Variants in RGS7 observed in about 807,000 individuals in gnomAD.
RGS7 encodes the protein regulator of G protein signaling 7.
A neutral mutation model predicts 81.1 loss-of-function variants in RGS7; 27 were observed. That is an observed-to-expected ratio of 0.33 (90% CI 0.25 to 0.46). The LOEUF is 0.46. RGS7 is among the 20% of genes least tolerant of loss of function. RGS7 has a pLI of 1.00. For synonymous variants in RGS7, 208 were observed against 207.7 expected (o/e 1.00, Z -0.01); for missense variants, 396 against 607.4 (o/e 0.65, Z 3.66).
At chr1:241,010,078 A>C (rs2058882161) in intron 3 of RGS7, among the ~76,000 whole-genome samples, 1 of 152,142 alleles carries the variant, frequency 6.6e-6, no homozygotes, top group Non-Finnish European at 1.5e-5. Context: ...AGAAACACCT[A>C]ATGTAAATGA....
intron 6 of RGS7, among the ~76,000 whole-genome samples, chr1:240,906,004 T>G (rs1348105499): frequency 1.3e-5 from 2 of 152,176 alleles, no homozygotes; most frequent in African/African-American, 4.8e-5. Flanking sequence ...ATTTCCCAGG[T>G]TCCATCTCAT....
intron 9 of RGS7, among the ~76,000 whole-genome samples, chr1:240,858,995 A>G: frequency 6.6e-6 from 1 of 152,192 alleles, no homozygotes; most frequent in Admixed American, 6.5e-5. Flanking sequence ...GGGTAATGCT[A>G]GCCTCATAGA....
intron 2 of RGS7, among the ~76,000 whole-genome samples, chr1:241,272,950 T>C (rs887611227): frequency 2.0e-5 from 3 of 152,184 alleles, no homozygotes; most frequent in African/African-American, 7.2e-5. Context: ...TTTCACTTTT[T>C]CATTGTCCAT....
At chr1:240,776,534 C>G (rs1682969689) in intron 18 of RGS7, among the ~76,000 whole-genome samples, 1 of 152,136 alleles carries the variant, frequency 6.6e-6, no homozygotes, top group Non-Finnish European at 1.5e-5. Context: ...TCCATCAAGG[C>G]TTAGCAATGA....
chr1:240,793,611 A>AT lies in RGS7; in HGVS notation c.*6+7029dup, dbSNP rs1205854418. ...AATATATATATATATATATATATAT[A>AT]TTTTTTTTTTTTTTTTGAGACAGAG... On this transcript the variant is annotated intron_variant, in intron 18 of 18. Coordinates refer to ENST00000440928, the MANE Select transcript of RGS7 (RefSeq NM_001364886.1). 3.0e-3 allele frequency among the ~76,000 whole-genome samples: 240 copies of AT among 78,794 alleles called. 6 individuals carry two copies. Among genetic ancestry groups the AT allele is most frequent in the African/African-American group, 0.01 (106 of 10,304 alleles). The allele number at this position is 78,794 out of a possible 152,430, so 51.7% of individuals were successfully genotyped here. A position where few individuals can be genotyped will look rare whatever the true frequency, so the allele number is the denominator to read the frequency against.
At chr1:241,011,773 G>A (rs949804520) in intron 3 of RGS7, among the ~76,000 whole-genome samples, 2 of 152,008 alleles carry the variant, frequency 1.3e-5, no homozygotes, top group African/African-American at 2.4e-5. Flanking sequence ...TAATAATATC[G>A]ATTCTTACAA....
intron 18 of RGS7, among the ~76,000 whole-genome samples, chr1:240,797,361 T>A (rs182983617): frequency 1.6e-4 from 24 of 152,294 alleles, no homozygotes; most frequent in African/African-American, 5.1e-4. Flanking sequence ...TATCTTTTCT[T>A]ATTTTTTCAG....
chr1:240,835,090 A>G (rs1417258274), intron 9 of RGS7, among the ~76,000 whole-genome samples: 2 of 152,214 alleles, frequency 1.3e-5, no homozygotes, highest in Non-Finnish European at 2.9e-5. Context: ...ACAATCCATG[A>G]AAGAAATAAT....
At chr1:241,319,235 C>T (rs771193389) in intron 2 of RGS7, among the ~76,000 whole-genome samples, 1 of 152,108 alleles carries the variant, frequency 6.6e-6, no homozygotes, top group East Asian at 1.9e-4. Context: ...TCCCTTTCTA[C>T]AATAAAAGCC....
At chr1:241,184,103 A>G (rs1002417050) in intron 2 of RGS7, among the ~76,000 whole-genome samples, 1 of 152,216 alleles carries the variant, frequency 6.6e-6, no homozygotes, top group Non-Finnish European at 1.5e-5. Context: ...AGCTTATACC[A>G]GGAAAAGTAG....
At chr1:241,294,221 A>G (rs1296488297) in intron 2 of RGS7, among the ~76,000 whole-genome samples, 1 of 152,046 alleles carries the variant, frequency 6.6e-6, no homozygotes, top group East Asian at 1.9e-4. Flanking sequence ...GTTCTCACTC[A>G]TAAGTAGGAG....
chr1:241,108,651 C>A (rs1034609130), intron 2 of RGS7, among the ~76,000 whole-genome samples: 2 of 152,054 alleles, frequency 1.3e-5, no homozygotes, highest in African/African-American at 4.8e-5. Flanking sequence ...TTGTCAATGT[C>A]CCCTGAACTA....
At chr1:240,829,045 A>C (rs760367044) in intron 9 of RGS7, among the ~76,000 whole-genome samples, 18 of 152,182 alleles carry the variant, frequency 1.2e-4, no homozygotes, top group Non-Finnish European at 2.2e-4. Flanking sequence ...ATGAGGACAG[A>C]GGACACTTTC....
chr1:241,202,691 A>G (rs2073609314), intron 2 of RGS7, among the ~76,000 whole-genome samples: 1 of 152,212 alleles, frequency 6.6e-6, no homozygotes, highest in African/African-American at 2.4e-5. Flanking sequence ...TCTGGAATGC[A>G]GGTGTTATGA....
chr1:240,810,714 G>C (rs1249171681), intron 14 of RGS7, among the ~76,000 whole-genome samples: 2 of 152,202 alleles, frequency 1.3e-5, no homozygotes, highest in Non-Finnish European at 2.9e-5. Context: ...CTCCCAAAGT[G>C]CTGGGATTAT....
At chr1:240,814,884 T>TC in intron 11 of RGS7, 107 bp from the exon 12 acceptor site, 1 of 751,498 alleles carries the variant, frequency 1.3e-6, no homozygotes, top group South Asian at 1.5e-5. Context: ...ATAGTCTACG[T>TC]CAGTACAATT....
At chr1:240,973,735 G>A (rs1683633810) in intron 4 of RGS7, among the ~76,000 whole-genome samples, 1 of 151,736 alleles carries the variant, frequency 6.6e-6, no homozygotes, top group South Asian at 2.1e-4. Context: ...GACTACAGGG[G>A]CCCACCACCG....
chr1:241,318,050 G>T (rs1278769025), intron 2 of RGS7, among the ~76,000 whole-genome samples: 1 of 152,138 alleles, frequency 6.6e-6, no homozygotes, highest in Non-Finnish European at 1.5e-5. Flanking sequence ...CTGAGAGGCT[G>T]AGCATAATAC....
intron 2 of RGS7, among the ~76,000 whole-genome samples, chr1:241,142,035 G>A (rs111334568): frequency 0.027 from 4,080 of 152,352 alleles, 175 homozygotes; most frequent in African/African-American, 0.092. Flanking sequence ...AAATCCAGCA[G>A]GGCAGTCAAA....
Sources: gnomAD v4.1 joint callset for allele counts (sites outside exome capture counted in the v4.1 genomes callset) on GRCh38, gnomAD v4.1.1 for gene constraint, MANE v1.5 for transcripts, NCBI Gene and HGNC (gene_info 2026-07-23, HGNC 2026-07-21) for gene names.